The following MYO6 variants were observed in gnomAD, a reference collection of about 807,000 sequenced individuals.
The protein encoded by MYO6 is myosin VI.
A neutral mutation model predicts 178.7 loss-of-function variants in MYO6; 74 were observed. The observed-to-expected ratio is 0.41, with a 90% CI of 0.34 to 0.50. MYO6 has a LOEUF of 0.50. Ranked by LOEUF, MYO6 falls within the 20% of genes least tolerant of loss-of-function variation. MYO6 has a pLI of 0.09. For synonymous variants in MYO6, 477 were observed against 504.6 expected (o/e 0.95, Z 0.73); for missense variants, 1,330 against 1,547.4 (o/e 0.86, Z 2.36).
At chr6:75,766,707 A>C (rs1778450238) in intron 1 of MYO6, among the ~76,000 whole-genome samples, 1 of 152,204 alleles carries the variant, frequency 6.6e-6, no homozygotes, top group African/African-American at 2.4e-5. Context: ...CTTTTGGTAA[A>C]GTTCCAAATA....
In MYO6 at chr6:75,770,656, T is replaced by C. The variant is rs146133434; in HGVS notation, c.-48+21233T>C. 1.4e-3 allele frequency among the ~76,000 whole-genome samples: 220 copies of C among 152,316 alleles called. 3 individuals carry two copies. Among genetic ancestry groups the C allele is most frequent in the African/African-American group, 5.0e-3 (207 of 41,572 alleles). On this transcript the variant is annotated intron_variant, in intron 1 of 34. Coordinates refer to ENST00000369977, the MANE Select transcript of MYO6 (RefSeq NM_004999.4). Reference sequence around the variant, plus strand: ...CATGCCTGGCTAATTTTCGTATTTTTAGTAGACATGGGGCTTCGCCATGTT... The same window carrying C: ...CATGCCTGGCTAATTTTCGTATTTTCAGTAGACATGGGGCTTCGCCATGTT...
chr6:75,851,789 C>T (rs1225056668), intron 11 of MYO6, among the ~76,000 whole-genome samples: 2 of 152,186 alleles, frequency 1.3e-5, no homozygotes, highest in African/African-American at 4.8e-5. Context: ...TGCAGTGAGC[C>T]ATGATCGCAC....
chr6:75,866,275 CTGTGTGTG>C (rs10687890), intron 16 of MYO6, among the ~76,000 whole-genome samples: 4 of 119,214 alleles, frequency 3.4e-5, no homozygotes, highest in South Asian at 2.9e-4. Flanking sequence ...GTCTCTGTCT[CTGTGTGTG>C]TGTGTGTGTG....
rs564389122 is a variant in MYO6 at position 75,789,736 on chromosome 6, C to T, written c.-47-27765C>T. ...ATTTACTGCTTTAAACGTGTCATTT[C>T]TTTGTGGTAACAACATTCAAAGTCT... On this transcript the variant is annotated intron_variant, in intron 1 of 34. Coordinates refer to ENST00000369977, the MANE Select transcript of MYO6 (RefSeq NM_004999.4). 7.2e-5 allele frequency among the ~76,000 whole-genome samples: 11 copies of T among 152,222 alleles called. No individual in the cohort carries two copies. The South Asian group carries it at 2.3e-3, about 32-fold the overall frequency.
chr6:75,890,695 G>A (rs2149369422), intron 26 of MYO6, among the ~76,000 whole-genome samples: 1 of 152,256 alleles, frequency 6.6e-6, no homozygotes, highest in African/African-American at 2.4e-5. Flanking sequence ...TTTGTAATAA[G>A]TTTGAAAATT....
intron 5 of MYO6, 105 bp from the exon 6 acceptor site, chr6:75,832,737 G>T: frequency 2.9e-6 from 2 of 692,204 alleles, no homozygotes; most frequent in South Asian, 1.6e-5. Context: ...ACATTGAATA[G>T]ACATTTATGA....
At chr6:75,862,780 G>A (rs1477672800) in intron 16 of MYO6, 57 bp downstream of exon 16, 21 of 1,580,126 alleles carry the variant, frequency 1.3e-5, no homozygotes, top group Non-Finnish European at 1.7e-5. Context: ...TATTAAAAAG[G>A]TGCATTAGCT....
intron 25 of MYO6, among the ~76,000 whole-genome samples, 167 bp downstream of exon 25, chr6:75,887,161 T>C (rs569446011): frequency 6.6e-6 from 1 of 152,216 alleles, no homozygotes; most frequent in Non-Finnish European, 1.5e-5. Flanking sequence ...CTACTCTTTA[T>C]GTTTGAAAAA....
rs186496384 is a variant in MYO6, at chr6:75,858,786, A to G, written c.1382-116A>G. 11 of 685,258 alleles carry G rather than the reference A, an allele frequency of 1.6e-5. No individual in the cohort carries two copies. In the East Asian group the frequency reaches 2.5e-4, roughly 16 times the overall value. 42.4% of individuals were successfully genotyped at this position (685,258 alleles called of 1,614,324 possible). A position where few individuals can be genotyped will look rare whatever the true frequency, so the allele number is the denominator to read the frequency against. ...GAAGTATAGAACAAATATATATAAT[A>G]TACAAATTTAACCTAATTTTAAATT... On this transcript the variant is annotated intron_variant, in intron 13 of 34. Coordinates refer to ENST00000369977, the MANE Select transcript of MYO6 (RefSeq NM_004999.4).
At chr6:75,893,723 G>A (rs557722734) in intron 28 of MYO6, among the ~76,000 whole-genome samples, 1 of 152,312 alleles carries the variant, frequency 6.6e-6, no homozygotes, top group Non-Finnish European at 1.5e-5. Context: ...GGAGCTCTGG[G>A]ACTGCTTGTA....
At chr6:75,772,603 G>A (rs899867818) in intron 1 of MYO6, among the ~76,000 whole-genome samples, 7 of 152,180 alleles carry the variant, frequency 4.6e-5, no homozygotes, top group East Asian at 1.9e-4. Flanking sequence ...GAGAACAGAC[G>A]GGACTAAGAA....
intron 1 of MYO6, among the ~76,000 whole-genome samples, chr6:75,771,681 G>T (rs1765907953): frequency 6.6e-6 from 1 of 152,146 alleles, no homozygotes; most frequent in Non-Finnish European, 1.5e-5. Flanking sequence ...GAAAACAATA[G>T]AATTCACATT....
In MYO6 at chr6:75,852,786, A is replaced by G. The variant is rs117079281; in HGVS notation, c.1079-2353A>G. Among the ~76,000 whole-genome samples, 422 of 152,270 alleles carry G rather than the reference A, an allele frequency of 2.8e-3. 5 individuals are homozygous for G. In the East Asian group the frequency reaches 0.036, roughly 13 times the overall value. On this transcript the variant is annotated intron_variant, in intron 11 of 34. Transcript: ENST00000369977. The stretch of plus-strand genomic sequence containing the variant: ...TGGGTTGTTTCCATTTTTGGCTATT[A>G]TGAATAATGCTGCTGAGAACGTTTG...
intron 1 of MYO6, among the ~76,000 whole-genome samples, chr6:75,803,553 C>G (rs957636153): frequency 6.6e-5 from 10 of 151,988 alleles, no homozygotes; most frequent in Non-Finnish European, 8.8e-5. Context: ...ATTTTGTCAT[C>G]AGTATCTCAG....
chr6:75,836,637 C>T (rs1257743012), intron 7 of MYO6, among the ~76,000 whole-genome samples: 1 of 150,346 alleles, frequency 6.7e-6, no homozygotes, highest in Non-Finnish European at 1.5e-5. Context: ...GGCTGGAGTG[C>T]AGTGGCTTGA....
intron 3 of MYO6, among the ~76,000 whole-genome samples, chr6:75,824,886 A>T (rs1297149724): frequency 6.6e-6 from 1 of 151,274 alleles, no homozygotes; most frequent in East Asian, 2.0e-4. Flanking sequence ...CAGCCTTCTG[A>T]GTAGCTGTGA....
chr6:75,832,384 T>C (rs1359516642), intron 5 of MYO6, among the ~76,000 whole-genome samples: 1 of 152,218 alleles, frequency 6.6e-6, no homozygotes, highest in African/African-American at 2.4e-5. Context: ...TTAATAGTTG[T>C]ATTAGAGAAA....
Position 75,862,709 on chromosome 6 carries a change from C to A in MYO6, c.1660C>A (p.His554Asn). Residue 554 changes from histidine to asparagine, a missense_variant, in exon 16 of 35, where the codon CAT becomes AAT. Around this residue, in one of 3 missense-constraint regions of MYO6, gnomAD observed 613 missense variants for 816.8 expected, o/e 0.75. Coordinates refer to ENST00000369977, the MANE Select transcript of MYO6 (RefSeq NM_004999.4). ...TSAVHQKHKD[H>N]FRLTIPRKSK... Reference sequence around the variant, plus strand: ...TGCAGTTCACCAAAAGCACAAGGATCATTTTCGACTCACTGTGAGTTTTGC... The same window carrying A: ...TGCAGTTCACCAAAAGCACAAGGATAATTTTCGACTCACTGTGAGTTTTGC... The A allele has an allele frequency of 6.2e-7, 1 of 1,614,070 alleles. No homozygotes were observed. Among genetic ancestry groups the A allele is most frequent in the Non-Finnish European group, 8.5e-7 (1 of 1,179,986 alleles).
Position 75,815,086 on chromosome 6 carries a change from G to A in MYO6, c.-47-2415G>A, listed in dbSNP as rs1771086315. On this transcript the variant is annotated intron_variant, in intron 1 of 34. Coordinates refer to ENST00000369977, the MANE Select transcript of MYO6 (RefSeq NM_004999.4). ...GATTACCAGTGATATGTGTGAAGTGGCACGAGTAGAAGCAGGCAGCTGAGT... is the reference window on the plus strand; with the variant it reads ...GATTACCAGTGATATGTGTGAAGTGACACGAGTAGAAGCAGGCAGCTGAGT... 1.3e-5 allele frequency among the ~76,000 whole-genome samples: 2 copies of A among 152,182 alleles called. 1 individual carries two copies. The highest frequency in any genetic ancestry group is 4.1e-4 in the South Asian group (2 of 4,828).
Sources: allele counts gnomAD v4.1 joint callset (sites outside exome capture counted in the v4.1 genomes callset), GRCh38; gene constraint gnomAD v4.1.1; regional missense constraint gnomAD v4.1.1; transcripts MANE v1.5; gene names NCBI Gene and HGNC (gene_info 2026-07-23, HGNC 2026-07-21).